Variants in ENSA observed in about 807,000 individuals in gnomAD.
ENSA encodes the protein alpha-endosulfine.
Under a neutral mutation model 16.8 loss-of-function variants are expected in ENSA, and 7 were observed. The ratio of observed to expected loss-of-function variants is 0.42; its 90% CI spans 0.24 to 0.78. ENSA has a LOEUF of 0.78. ENSA is among the 30% of genes least tolerant of loss of function. ENSA has a pLI of 0.29. For missense variants in ENSA, 87 were observed against 142.3 expected (o/e 0.61, Z 1.98); for synonymous variants, 58 against 53.4 (o/e 1.09, Z -0.37).
Position 150,622,769 on chromosome 1 carries a change from G to T in ENSA, c.*75C>A. ...ACCCCTGGCTGCAAAAGCAGGAAGG[G>T]GCAGGAGCCAGCACAGGACCCGGGT... is the stretch of plus-strand genomic sequence containing the variant. On this transcript the variant is annotated 3_prime_UTR_variant, in exon 4 of 4. Coordinates refer to ENST00000369014, the MANE Select transcript of ENSA (RefSeq NM_004436.4). 1.3e-6 allele frequency: 2 copies of T among 1,508,988 alleles called. No individual in the cohort carries two copies. Among genetic ancestry groups the T allele is most frequent in the Non-Finnish European group, 1.8e-6 (2 of 1,120,630 alleles). 93.5% of individuals were successfully genotyped at this position (1,508,988 alleles called of 1,614,324 possible).
rs1649026330 is a variant in ENSA at position 150,622,263 on chromosome 1, T to G, written c.*581A>C. ...TGCCCTTCTTCCCACAGCAAATCTA[T>G]TTCAAGGACAGTACTTTTTAAAATG... On this transcript the variant is annotated 3_prime_UTR_variant, in exon 4 of 4. Transcript: ENST00000369014. The G allele has an allele frequency of 6.6e-6, 1 of 152,318 alleles. No individual in the cohort carries two copies. 9.4% of individuals were successfully genotyped at this position (152,318 alleles called of 1,614,324 possible).
At chr1:150,626,488 C>T (rs138939023) in intron 2 of ENSA, 18 of 1,613,392 alleles carry the variant, frequency 1.1e-5, no homozygotes, top group Admixed American at 3.3e-5. Context: ...CCATTTCATC[C>T]GCACAGAGAA....
chr1:150,622,985 T>A (rs751419917), intron 3 of ENSA, 126 bp from the exon 4 acceptor site: 73 of 1,270,464 alleles, frequency 5.7e-5, no homozygotes, highest in Non-Finnish European at 7.4e-5. Context: ...TTAGGCTACC[T>A]GGCATGTCTC....
intron 2 of ENSA, chr1:150,626,509 A>G (rs1364957559): frequency 1.2e-6 from 2 of 1,613,726 alleles, no homozygotes; most frequent in East Asian, 2.2e-5. Context: ...GCACACTCCA[A>G]TGTAATGATT....
chr1:150,627,682 G>A, intron 1 of ENSA, 90 bp from the exon 2 acceptor site: 1 of 1,382,498 alleles, frequency 7.2e-7, no homozygotes, highest in Non-Finnish European at 9.8e-7. Flanking sequence ...AACTTCTCCT[G>A]GAAATCCACC....
At chr1:150,624,006 A>C in intron 3 of ENSA, 3 of 985,362 alleles carry the variant, frequency 3.0e-6, no homozygotes, top group Non-Finnish European at 3.6e-6. Context: ...GGCATATCAG[A>C]ATTTGTGATG....
intron 1 of ENSA, 97 bp from the exon 2 acceptor site, chr1:150,627,689 C>A: frequency 7.5e-7 from 1 of 1,339,854 alleles, no homozygotes; most frequent in East Asian, 2.4e-5. Flanking sequence ...CCTGGAAATC[C>A]ACCCACTTGT....
chr1:150,623,062 AAAC>A (rs1649069767), intron 3 of ENSA, among the ~76,000 whole-genome samples: 3 of 152,340 alleles, frequency 2.0e-5, no homozygotes, highest in East Asian at 3.9e-4. Context: ...CCTATCCACG[AAAC>A]AACGTTATCT....
chr1:150,629,027 C>T, intron 1 of ENSA: 1 of 1,611,014 alleles, frequency 6.2e-7, no homozygotes, highest in African/African-American at 1.3e-5. Context: ...CGGATTGAGG[C>T]TGCGGGCCCC....
In ENSA at chr1:150,623,251, G is replaced by A. The variant is rs936635808; in HGVS notation, c.351-392C>T. On this transcript the variant is annotated intron_variant, in intron 3 of 3. Coordinates refer to ENST00000369014, the MANE Select transcript of ENSA (RefSeq NM_004436.4). ...AGCACAGAGATGAGGTGGTGACTGT[G>A]TGGAGGCCAGAACCAGACCACACAC... 3 of 1,028,378 alleles carry A rather than the reference G, an allele frequency of 2.9e-6. No individual in the cohort carries two copies. The African/African-American group carries it at 5.1e-5, about 18-fold the overall frequency. The allele number at this position is 1,028,378 out of a possible 1,614,324, so 63.7% of individuals were successfully genotyped here. A position where few individuals can be genotyped will look rare whatever the true frequency, so the allele number is the denominator to read the frequency against.
chr1:150,625,925 T>C (rs1223777965), intron 2 of ENSA, 117 bp from the exon 3 acceptor site: 6 of 1,429,142 alleles, frequency 4.2e-6, no homozygotes, highest in Non-Finnish European at 5.5e-6. Flanking sequence ...TTTCAAGAAG[T>C]CTTCCTTGAT....
At chr1:150,624,475 G>A (rs1649165759) in intron 3 of ENSA, 1 of 985,802 alleles carries the variant, frequency 1.0e-6, no homozygotes, top group Admixed American at 6.1e-5. Context: ...CAGGCCTGCA[G>A]CTCCGCTGCC....
chr1:150,622,877 A>AG lies in ENSA; in HGVS notation c.351-19dup. ...CTTGGCCACTGCGGACGAACACAGA[A>AG]GAAAAAAAAAAAAAACAACACTGTC... On this transcript the variant is annotated intron_variant, in intron 3 of 3. Coordinates refer to ENST00000369014, the MANE Select transcript of ENSA (RefSeq NM_004436.4). 6.5e-7 allele frequency: 1 copy of AG among 1,543,468 alleles called. No individual in the cohort carries two copies. The highest frequency in any genetic ancestry group is 2.5e-5 in the East Asian group (1 of 40,794).
At chr1:150,627,213 T>C in intron 2 of ENSA, 1 of 1,504,934 alleles carries the variant, frequency 6.6e-7, no homozygotes, top group Non-Finnish European at 8.8e-7. Context: ...GTTTCTAACA[T>C]CTTTCCCTCA....
chr1:150,629,264 T>C (rs1039851639), intron 1 of ENSA, 150 bp downstream of exon 1: 1 of 1,507,686 alleles, frequency 6.6e-7, no homozygotes, highest in Non-Finnish European at 9.1e-7. Flanking sequence ...CAAAGCAGCA[T>C]GTCGTGTTGA....
rs587634411 is a variant in ENSA at position 150,622,602 on chromosome 1, T to C, written c.*242A>G. ...ACCCCCACCCCCAGAATTTCATTGATATTTCTCCCAACTGTTATTTGGAAA... is the reference window on the plus strand; with the variant it reads ...ACCCCCACCCCCAGAATTTCATTGACATTTCTCCCAACTGTTATTTGGAAA... On this transcript the variant is annotated 3_prime_UTR_variant, in exon 4 of 4. Coordinates refer to ENST00000369014, the MANE Select transcript of ENSA (RefSeq NM_004436.4). 1 of 131,912 alleles carries C rather than the reference T, an allele frequency of 7.6e-6. No individual in the cohort carries two copies. Among genetic ancestry groups the C allele is most frequent in the African/African-American group, 3.1e-5 (1 of 32,594 alleles). 8.2% of individuals were successfully genotyped at this position (131,912 alleles called of 1,614,324 possible).
At chr1:150,626,565 ATT>A in intron 2 of ENSA, 1 of 1,574,516 alleles carries the variant, frequency 6.4e-7, no homozygotes, top group African/African-American at 1.4e-5. Context: ...AAATAAAAAA[ATT>A]TTTTTTTGAG....
At chr1:150,623,422 A>G in intron 3 of ENSA, 1 of 985,848 alleles carries the variant, frequency 1.0e-6, no homozygotes, top group Non-Finnish European at 1.2e-6. Flanking sequence ...TTGTTTTCTT[A>G]GCCTTGAAGA....
At chr1:150,623,006 A>C (rs906557333) in intron 3 of ENSA, 147 bp from the exon 4 acceptor site, 2 of 1,112,224 alleles carry the variant, frequency 1.8e-6, no homozygotes, top group African/African-American at 3.2e-5. Context: ...AATCCTATCC[A>C]TAAGGGAGTT....
Sources: allele counts gnomAD v4.1 joint callset (sites outside exome capture counted in the v4.1 genomes callset), GRCh38; gene constraint gnomAD v4.1.1; transcripts MANE v1.5; gene names NCBI Gene and HGNC (gene_info 2026-07-23, HGNC 2026-07-21).